KBTBD11: variants seen among roughly 807,000 people sequenced by gnomAD.
KBTBD11 encodes the protein kelch repeat and BTB domain containing 11.
For synonymous variants in KBTBD11, 747 were observed against 499.0 expected (o/e 1.50, Z -6.63); for missense variants, 1,390 against 1,001.8 (o/e 1.39, Z -5.23).
At chr8:1,975,803 T>C (rs1431125025) in intron 1 of KBTBD11, 3 of 152,234 alleles carry the variant, frequency 2.0e-5, no homozygotes, top group African/African-American at 7.2e-5. Flanking sequence ...TCTGGGTGGA[T>C]GGAAGAATCC....
In KBTBD11 at chr8:1,995,630, C is replaced by T. The variant is rs1300209205; in HGVS notation, c.-908-4655C>T. ...TCACCCACCCTCGGTCCTGCCTGCC[C>T]AGAAGCTGTGGGCCTGTTTTCATTT... On this transcript the variant is annotated intron_variant, in intron 1 of 1. Coordinates refer to ENST00000320248, the MANE Select transcript of KBTBD11 (RefSeq NM_014867.3). Among the ~76,000 whole-genome samples, 4 of 152,244 alleles carry T rather than the reference C, an allele frequency of 2.6e-5. No homozygotes were observed. The East Asian group carries it at 7.7e-4, about 29-fold the overall frequency.
intron 1 of KBTBD11, among the ~76,000 whole-genome samples, chr8:1,988,329 C>G (rs1400041889): frequency 6.6e-6 from 1 of 152,348 alleles, no homozygotes; most frequent in Admixed American, 6.5e-5. Context: ...AATGGTTGAA[C>G]TAGTTTACAC....
intron 1 of KBTBD11, among the ~76,000 whole-genome samples, chr8:1,978,746 G>A (rs1816437701): frequency 6.6e-6 from 1 of 152,128 alleles, no homozygotes; most frequent in Admixed American, 6.5e-5. Context: ...TCATCCATGC[G>A]GCATGTTTGG....
In KBTBD11 at chr8:2,002,867, G is replaced by A; in HGVS notation, c.1675G>A (p.Asp559Asn). Residue 559 changes from aspartate (D) to asparagine (N), a missense_variant, in exon 2 of 2, where the codon GAC (aspartate) becomes AAC (asparagine). Physicochemically the swap from Asp to Asn is conservative, Grantham distance 23. Coordinates refer to ENST00000320248, the MANE Select transcript of KBTBD11 (RefSeq NM_014867.3). This position sits in a 1 kb window ranked among gnomAD's most constrained non-coding sequence, Gnocchi z 4.1. The stretch of plus-strand genomic sequence containing the variant: ...GCAGCCCTTCCGCTGCGCCGCCCTG[G>A]ACGGCGCCATCTACTGCGTGAGCCG... ...GLQPFRCAAL[D>N]GAIYCVSRAG... is the part of the protein sequence containing the mutation. The A allele has an allele frequency of 7.3e-7, 1 of 1,367,710 alleles. No individual in the cohort carries two copies. Among genetic ancestry groups the A allele is most frequent in the Non-Finnish European group, 9.4e-7 (1 of 1,068,792 alleles). The allele number at this position is 1,367,710 out of a possible 1,614,324, so 84.7% of individuals were successfully genotyped here.
chr8:1,977,874 C>T (rs565791630), intron 1 of KBTBD11, among the ~76,000 whole-genome samples: 7 of 152,286 alleles, frequency 4.6e-5, no homozygotes, highest in Non-Finnish European at 8.8e-5. Context: ...AATAGTGGGC[C>T]TTTCATAGCT....
chr8:1,982,301 G>A (rs1234862752), intron 1 of KBTBD11, among the ~76,000 whole-genome samples: 1 of 152,104 alleles, frequency 6.6e-6, no homozygotes, highest in Non-Finnish European at 1.5e-5. Context: ...ACAAGAGAAA[G>A]TCTAATCATA....
At chr8:1,999,013 T>A (rs1245920998) in intron 1 of KBTBD11, among the ~76,000 whole-genome samples, 1 of 152,222 alleles carries the variant, frequency 6.6e-6, no homozygotes. Context: ...GCTTAGCTAT[T>A]GTCTGTGACC....
Position 2,003,147 on chromosome 8 carries a change from G to A in KBTBD11, c.*83G>A, listed in dbSNP as rs889161421. 2.4e-6 allele frequency: 3 copies of A among 1,247,120 alleles called. No homozygotes were observed. Among genetic ancestry groups the A allele is most frequent in the Non-Finnish European group, 3.0e-6 (3 of 988,524 alleles). The allele number at this position is 1,247,120 out of a possible 1,614,324, so 77.3% of individuals were successfully genotyped here. On this transcript the variant is annotated 3_prime_UTR_variant, in exon 2 of 2. Transcript: ENST00000320248. Reference sequence around the variant, plus strand: ...TGGGCCCGCGGAGGAGGACGTGGTGGGGAGTCGGGGCCGCTGGCCACGCTG... The same window carrying A: ...TGGGCCCGCGGAGGAGGACGTGGTGAGGAGTCGGGGCCGCTGGCCACGCTG...
chr8:1,993,366 C>T (rs1187773909), intron 1 of KBTBD11, among the ~76,000 whole-genome samples: 2 of 82,852 alleles, frequency 2.4e-5, no homozygotes, highest in East Asian at 4.7e-4. Context: ...TCGGTCCATC[C>T]GTCCGTCCGT....
intron 1 of KBTBD11, among the ~76,000 whole-genome samples, chr8:1,979,832 G>T (rs958205566): frequency 5.9e-5 from 9 of 152,234 alleles, no homozygotes; most frequent in African/African-American, 2.2e-4. Context: ...CAGGGCTCGG[G>T]CCTCATCCCG....
intron 1 of KBTBD11, among the ~76,000 whole-genome samples, chr8:1,985,978 C>G (rs1816696618): frequency 6.6e-6 from 1 of 152,232 alleles, no homozygotes; most frequent in African/African-American, 2.4e-5. Flanking sequence ...GCAGGACCAT[C>G]TGGATATGAA....
chr8:1,996,810 G>A (rs567957046), intron 1 of KBTBD11, among the ~76,000 whole-genome samples: 5 of 152,088 alleles, frequency 3.3e-5, no homozygotes, highest in South Asian at 4.2e-4. Flanking sequence ...TGTATTAATC[G>A]TAAAGAAATG....
chr8:1,974,048 T>A, intron 1 of KBTBD11, 113 bp downstream of exon 1: 1 of 786,292 alleles, frequency 1.3e-6, no homozygotes, highest in Non-Finnish European at 1.5e-6. Flanking sequence ...AGAGCGGCAG[T>A]AGGCGGGAGG....
chr8:1,993,350 C>T (rs1816988054), intron 1 of KBTBD11, among the ~76,000 whole-genome samples: 1 of 143,904 alleles, frequency 6.9e-6, no homozygotes, highest in Non-Finnish European at 1.5e-5. Context: ...TCTTTCTGTC[C>T]ATCCATCGGT....
Position 2,001,115 on chromosome 8 carries a change from G to A in KBTBD11, c.-78G>A, listed in dbSNP as rs1817326765. On this transcript the variant is annotated 5_prime_UTR_variant, in exon 2 of 2. Transcript: ENST00000320248. ...GAAAAGCTGTGAGGCTGGAAACCCCGGAGTAAGGCTCGACCTTGGCCAGAC... is the reference window on the plus strand; with the variant it reads ...GAAAAGCTGTGAGGCTGGAAACCCCAGAGTAAGGCTCGACCTTGGCCAGAC... 3 of 1,263,954 alleles carry A rather than the reference G, an allele frequency of 2.4e-6. No individual in the cohort carries two copies. Among genetic ancestry groups the A allele is most frequent in the East Asian group, 6.3e-5 (2 of 31,734 alleles). The allele number at this position is 1,263,954 out of a possible 1,614,324, so 78.3% of individuals were successfully genotyped here.
At chr8:1,992,569 C>G (rs1174940133) in intron 1 of KBTBD11, among the ~76,000 whole-genome samples, 13 of 151,856 alleles carry the variant, frequency 8.6e-5, no homozygotes, top group Admixed American at 8.5e-4. Context: ...AAAATCATGC[C>G]TGTTCATAAT....
chr8:1,993,403 A>G (rs927703392), intron 1 of KBTBD11, among the ~76,000 whole-genome samples: 65 of 91,108 alleles, frequency 7.1e-4, no homozygotes, highest in African/African-American at 1.2e-3. Context: ...CCATCCATCC[A>G]TCCATCCATC....
intron 1 of KBTBD11, chr8:1,976,511 G>A (rs1286777554): frequency 6.6e-6 from 1 of 152,130 alleles, no homozygotes; most frequent in Non-Finnish European, 1.5e-5. Flanking sequence ...TTTGTTTGAA[G>A]GATTAGCATG....
chr8:1,992,481 A>G (rs897530657), intron 1 of KBTBD11, among the ~76,000 whole-genome samples: 4 of 152,012 alleles, frequency 2.6e-5, no homozygotes, highest in African/African-American at 7.3e-5. Context: ...GGGGTGGGAA[A>G]CACTGGCTGG....
Sources: gnomAD v4.1 joint callset for allele counts (sites outside exome capture counted in the v4.1 genomes callset) on GRCh38, gnomAD v4.1.1 for gene constraint, Gnocchi (gnomAD v3.1) non-coding constraint, MANE v1.5 for transcripts, NCBI Gene and HGNC (gene_info 2026-07-23, HGNC 2026-07-21) for gene names.